The following DOK6 variants were observed in gnomAD, a reference collection of about 807,000 sequenced individuals.
The protein encoded by DOK6 is downstream of tyrosine kinase 6.
DOK6 carries 22 observed loss-of-function variants against 44.0 expected under a neutral mutation model. The ratio of observed to expected loss-of-function variants is 0.50; its 90% CI spans 0.36 to 0.71. The LOEUF (loss-of-function observed/expected upper bound fraction) is 0.71. DOK6 is among the 30% of genes least tolerant of loss of function. DOK6 has a pLI of 0.00. For synonymous variants in DOK6, 166 were observed against 145.5 expected, an observed-to-expected ratio of 1.14 and a Z score of -1.01; for missense variants, 340 against 416.4, an observed-to-expected ratio of 0.82 and a Z score of 1.60.
At position 69,744,901 on chromosome 18, in the gene DOK6, G is replaced by C. The variant is rs1055196616; in HGVS notation, c.738+5798G>C. Among the ~76,000 whole-genome samples the C allele has an allele frequency of 2.0e-5, 3 of 148,262 alleles. No individual in the cohort carries two copies. In the Admixed American group the frequency reaches 2.0e-4, roughly 10 times the overall value. On this transcript the variant is annotated intron_variant, in intron 6 of 7. Coordinates refer to ENST00000382713, the MANE Select transcript of DOK6 (RefSeq NM_152721.6). ...AGATCACATCATTGTACTCCAGCCT[G>C]GGTAACAGTAGCAACACTCCATCTA...
chr18:69,689,051 C>T (rs557921372), intron 4 of DOK6, among the ~76,000 whole-genome samples: 4 of 152,090 alleles, frequency 2.6e-5, no homozygotes, highest in African/African-American at 7.2e-5. Flanking sequence ...CAAGAAAGTG[C>T]CATCAAAAAA....
intron 7 of DOK6, among the ~76,000 whole-genome samples, chr18:69,782,922 C>T (rs1980320350): frequency 6.6e-6 from 1 of 152,208 alleles, no homozygotes; most frequent in Admixed American, 6.5e-5. Context: ...TCCAGATTCT[C>T]ATTTCAGTAG....
intron 7 of DOK6, among the ~76,000 whole-genome samples, chr18:69,779,890 T>A: frequency 6.6e-6 from 1 of 152,142 alleles, no homozygotes; most frequent in Non-Finnish European, 1.5e-5. Flanking sequence ...TGAATAAATA[T>A]TTGCCATATT....
At chr18:69,802,068 A>G (rs1301026556) in intron 7 of DOK6, among the ~76,000 whole-genome samples, 2 of 152,076 alleles carry the variant, frequency 1.3e-5, no homozygotes, top group Admixed American at 1.3e-4. Context: ...TGGCCCACCC[A>G]TGCCAAGGGT....
chr18:69,728,122 C>T (rs1978320030), intron 5 of DOK6, among the ~76,000 whole-genome samples: 2 of 152,180 alleles, frequency 1.3e-5, no homozygotes, highest in African/African-American at 4.8e-5. Context: ...TCCTAGATTT[C>T]TCACACCCTG....
At chr18:69,829,189 T>G (rs1981833784) in intron 7 of DOK6, among the ~76,000 whole-genome samples, 1 of 150,468 alleles carries the variant, frequency 6.6e-6, no homozygotes, top group Non-Finnish European at 1.5e-5. Context: ...AAGGAAATAA[T>G]TAACAGGAAA....
chr18:69,775,862 TG>T (rs1169684114), intron 7 of DOK6, among the ~76,000 whole-genome samples: 2 of 151,910 alleles, frequency 1.3e-5, no homozygotes, highest in Non-Finnish European at 2.9e-5. Flanking sequence ...CACAAAGTTT[TG>T]GGAAAAGAGG....
At chr18:69,443,068 G>A (rs897714641) in intron 1 of DOK6, among the ~76,000 whole-genome samples, 4 of 152,034 alleles carry the variant, frequency 2.6e-5, no homozygotes, top group African/African-American at 7.3e-5. Flanking sequence ...CCAAAGATAC[G>A]AATACGCCTG....
At chr18:69,742,658 C>A (rs992634437) in intron 6 of DOK6, among the ~76,000 whole-genome samples, 2 of 152,148 alleles carry the variant, frequency 1.3e-5, no homozygotes, top group Admixed American at 1.3e-4. Context: ...ATGCTGAGTA[C>A]CCTGCACAGT....
chr18:69,677,083 GT>G (rs888407628), intron 3 of DOK6, among the ~76,000 whole-genome samples: 16 of 152,062 alleles, frequency 1.1e-4, no homozygotes, highest in Admixed American at 1.0e-3. Flanking sequence ...AGCCTAATTT[GT>G]ATTGTTTACA....
intron 7 of DOK6, among the ~76,000 whole-genome samples, chr18:69,829,412 T>C (rs143457250): frequency 6.6e-6 from 1 of 152,208 alleles, no homozygotes; most frequent in African/African-American, 2.4e-5. Flanking sequence ...ATTCTATTAG[T>C]AGAAACTATT....
At chr18:69,774,036 T>C (rs534071845) in intron 7 of DOK6, among the ~76,000 whole-genome samples, 1 of 144,796 alleles carries the variant, frequency 6.9e-6, no homozygotes, top group Non-Finnish European at 1.5e-5. Flanking sequence ...AATGAGTGGA[T>C]AAAGAATTTG....
At chr18:69,601,978 T>C (rs1019083021) in intron 3 of DOK6, among the ~76,000 whole-genome samples, 1 of 152,230 alleles carries the variant, frequency 6.6e-6, no homozygotes, top group Non-Finnish European at 1.5e-5. Context: ...TATAAATGAA[T>C]ATTTATGAGT....
chr18:69,482,432 T>C (rs79652653), intron 1 of DOK6, among the ~76,000 whole-genome samples: 3,487 of 150,880 alleles, frequency 0.023, 153 homozygotes, highest in African/African-American at 0.081. Flanking sequence ...AGAACGGGAC[T>C]GACAATTTTC....
chr18:69,445,905 A>G (rs1473173687), intron 1 of DOK6, among the ~76,000 whole-genome samples: 4 of 152,106 alleles, frequency 2.6e-5, no homozygotes, highest in Non-Finnish European at 5.9e-5. Flanking sequence ...GTTTTTGGTA[A>G]TATCTTCTAT....
At chr18:69,599,002 C>A (rs966018314) in intron 2 of DOK6, among the ~76,000 whole-genome samples, 2 of 152,034 alleles carry the variant, frequency 1.3e-5, no homozygotes, top group Admixed American at 1.3e-4. Context: ...ATTTGCATGA[C>A]AGGTGAAAAT....
At chr18:69,409,530 A>G (rs934430776) in intron 1 of DOK6, among the ~76,000 whole-genome samples, 4 of 152,228 alleles carry the variant, frequency 2.6e-5, no homozygotes, top group Non-Finnish European at 5.9e-5. Context: ...TGGAATTGCT[A>G]TCTTTGCTGA....
intron 1 of DOK6, among the ~76,000 whole-genome samples, chr18:69,475,839 CA>C (rs1434701138): frequency 2.0e-5 from 3 of 152,166 alleles, no homozygotes; most frequent in African/African-American, 7.2e-5. Flanking sequence ...ACATATTAAA[CA>C]ATATGAGCCA....
At chr18:69,664,367 G>A (rs2144674624) in intron 3 of DOK6, among the ~76,000 whole-genome samples, 1 of 152,166 alleles carries the variant, frequency 6.6e-6, no homozygotes, top group Middle Eastern at 3.4e-3. Context: ...CCATCTTTAT[G>A]AGCTGTACAA....
Sources: allele counts gnomAD v4.1 joint callset (sites outside exome capture counted in the v4.1 genomes callset), GRCh38; gene constraint gnomAD v4.1.1; transcripts MANE v1.5; gene names NCBI Gene and HGNC (gene_info 2026-07-23, HGNC 2026-07-21).